The following ERH variants were observed in gnomAD, a reference collection of about 807,000 sequenced individuals.
ERH encodes the protein ERH mRNA splicing and mitosis factor, also known as enhancer of rudimentary homolog.
ERH carries 1 observed loss-of-function variant against 16.8 expected under a neutral mutation model. The observed-to-expected ratio is 0.06, with a 90% CI of 0.02 to 0.28. The LOEUF (loss-of-function observed/expected upper bound fraction) is 0.28, where lower values mean the gene tolerates loss of function less well. ERH is among the 10% of genes least tolerant of loss of function. The pLI, the probability that ERH is intolerant of heterozygous loss-of-function variation, is 1.00. For missense variants in ERH, 42 were observed against 127.5 expected (o/e 0.33, Z 3.23); for synonymous variants, 43 against 43.6 (o/e 0.99, Z 0.05).
At chr14:69,388,299 C>T (rs927580036) in intron 2 of ERH, among the ~76,000 whole-genome samples, 3 of 151,968 alleles carry the variant, frequency 2.0e-5, no homozygotes, top group Non-Finnish European at 4.4e-5. Context: ...AGCAAGCCCA[C>T]ATTACTAATT....
intron 1 of ERH, among the ~76,000 whole-genome samples, chr14:69,396,597 G>A (rs1034421078): frequency 6.6e-6 from 1 of 152,200 alleles, no homozygotes; most frequent in Non-Finnish European, 1.5e-5. Context: ...AATTGGAACA[G>A]AAATAGCTGA....
At chr14:69,394,700 G>T in intron 2 of ERH, 125 bp downstream of exon 2, 4 of 554,836 alleles carry the variant, frequency 7.2e-6, no homozygotes, top group South Asian at 2.5e-5. Context: ...AATAAATTTG[G>T]AGGGTTGGAA....
intron 3 of ERH, among the ~76,000 whole-genome samples, chr14:69,385,651 G>GAAA (rs375731964): frequency 6.3e-5 from 8 of 126,452 alleles, no homozygotes; most frequent in South Asian, 2.5e-4. Flanking sequence ...TAAAAAAAAG[G>GAAA]AAAAAAAAAA....
Position 69,380,348 on chromosome 14 carries a change from G to T in ERH, c.*190C>A. On this transcript the variant is annotated 3_prime_UTR_variant, in exon 4 of 4. Coordinates refer to ENST00000557016, the MANE Select transcript of ERH (RefSeq NM_004450.3). ...TTAAGTAAAAAAAAAAAAAGAAAGA[G>T]AAAGAAAAAGAGGAGGTAACGGGGG... The T allele has an allele frequency of 2.4e-6, 1 of 412,582 alleles. No individual in the cohort carries two copies. Among genetic ancestry groups the T allele is most frequent in the Non-Finnish European group, 4.3e-6 (1 of 232,932 alleles). 25.6% of individuals were successfully genotyped at this position (412,582 alleles called of 1,614,324 possible).
chr14:69,393,300 A>T lies in ERH; in HGVS notation c.91+1525T>A, dbSNP rs140207788. On this transcript the variant is annotated intron_variant, in intron 2 of 3. Coordinates refer to ENST00000557016, the MANE Select transcript of ERH (RefSeq NM_004450.3). ...CACTGCACTCCAGCCTGGGCGACAG[A>T]GTGAGACTCTGTCTCAAAAAACAAA... Among the ~76,000 whole-genome samples the T allele has an allele frequency of 3.1e-3, 477 of 152,324 alleles. 4 individuals are homozygous for T. The highest frequency in any genetic ancestry group is 0.011 in the African/African-American group (463 of 41,566).
Position 69,383,432 on chromosome 14 carries a change from G to A in ERH, c.213-2792C>T, listed in dbSNP as rs115930270. Among the ~76,000 whole-genome samples, 639 of 152,344 alleles carry A rather than the reference G, an allele frequency of 4.2e-3. 6 individuals carry two copies. The highest frequency in any genetic ancestry group is 0.015 in the African/African-American group (615 of 41,582). Reference sequence around the variant, plus strand: ...AAAACGGACCCAGTCTCTGGTCTGAGGAGTAACGGCCCAAATCACAGGATG... The same window carrying A: ...AAAACGGACCCAGTCTCTGGTCTGAAGAGTAACGGCCCAAATCACAGGATG... On this transcript the variant is annotated intron_variant, in intron 3 of 3. Transcript: ENST00000557016.
rs757505209 is a variant in ERH at position 69,380,632 on chromosome 14, G to C, written c.221C>G (p.Ala74Gly). 1 of 1,601,464 alleles carries C rather than the reference G, an allele frequency of 6.2e-7. No individual in the cohort carries two copies. Among genetic ancestry groups the C allele is most frequent in the South Asian group, 1.1e-5 (1 of 90,298 alleles). The change falls in exon 4 of 4, where the codon GCT becomes GGT. Residue 74 changes from alanine to glycine, a missense_variant. Coordinates refer to ENST00000557016, the MANE Select transcript of ERH (RefSeq NM_004450.3). ...ATAAGGCTGGTATGTCTGGGTATCA[G>C]CTCGGTAACTGAGGAGAGAAAGGGA... Reference protein sequence around the residue: ...LADLSCLVYRADTQTYQPYNK... With the variant: ...LADLSCLVYRGDTQTYQPYNK...
At chr14:69,392,842 G>C (rs1303937950) in intron 2 of ERH, among the ~76,000 whole-genome samples, 1 of 152,172 alleles carries the variant, frequency 6.6e-6, no homozygotes, top group East Asian at 1.9e-4. Flanking sequence ...CTAGAACCCT[G>C]AAACTGCCCT....
At chr14:69,387,880 TA>T (rs1187815162) in intron 2 of ERH, among the ~76,000 whole-genome samples, 2 of 151,688 alleles carry the variant, frequency 1.3e-5, no homozygotes, top group East Asian at 1.9e-4. Context: ...CTGTCTCTAC[TA>T]AAAAAATACA....
At chr14:69,382,201 G>C (rs2045867179) in intron 3 of ERH, among the ~76,000 whole-genome samples, 1 of 152,162 alleles carries the variant, frequency 6.6e-6, no homozygotes, top group South Asian at 2.1e-4. Context: ...TTCTTCCTCT[G>C]AACAGTAAGG....
chr14:69,384,837 G>GT (rs1325200054), intron 3 of ERH, among the ~76,000 whole-genome samples: 1 of 152,106 alleles, frequency 6.6e-6, no homozygotes, highest in Non-Finnish European at 1.5e-5. Flanking sequence ...CACATTATTG[G>GT]TAATTTCATA....
intron 1 of ERH, chr14:69,398,010 C>G (rs1882404802): frequency 1.6e-6 from 1 of 616,572 alleles, no homozygotes; most frequent in Non-Finnish European, 2.9e-6. Context: ...CGGACCCGAG[C>G]GAGCAGGCGG....
At chr14:69,395,956 A>G (rs1263975981) in intron 1 of ERH, among the ~76,000 whole-genome samples, 1 of 152,216 alleles carries the variant, frequency 6.6e-6, no homozygotes, top group African/African-American at 2.4e-5. Context: ...TAACAAATCA[A>G]TCTCAGTGTT....
intron 2 of ERH, among the ~76,000 whole-genome samples, chr14:69,393,850 T>A (rs932189486): frequency 6.6e-6 from 1 of 151,888 alleles, no homozygotes; most frequent in African/African-American, 2.4e-5. Flanking sequence ...AGTGACCCCA[T>A]CTCTATAAAA....
At chr14:69,386,853 G>T in intron 3 of ERH, 110 bp downstream of exon 3, 1 of 952,722 alleles carries the variant, frequency 1.0e-6, no homozygotes, top group Non-Finnish European at 1.6e-6. Context: ...CTATGCAAAT[G>T]CAAAGATCAG....
In ERH at chr14:69,390,924, T is replaced by C. The variant is rs550914159; in HGVS notation, c.92-3841A>G. 3.3e-5 allele frequency among the ~76,000 whole-genome samples: 5 copies of C among 152,214 alleles called. No individual in the cohort carries two copies. The South Asian group carries it at 1.0e-3, about 32-fold the overall frequency. ...GATGACATTGTATGTCATTAGGGAA[T>C]TGCAAATTAAAACAATAAGATACCT... On this transcript the variant is annotated intron_variant, in intron 2 of 3. Coordinates refer to ENST00000557016, the MANE Select transcript of ERH (RefSeq NM_004450.3).
intron 1 of ERH, chr14:69,397,917 C>G (rs1434104794): frequency 3.7e-6 from 2 of 537,834 alleles, no homozygotes; most frequent in African/African-American, 3.8e-5. Context: ...GACTCTCTAT[C>G]TCAAAAAACA....
rs190610854 is a variant in ERH, at chr14:69,395,997, T to G, written c.4-1085A>C. 2.0e-3 allele frequency among the ~76,000 whole-genome samples: 308 copies of G among 152,330 alleles called. 1 individual carries two copies. The highest frequency in any genetic ancestry group is 7.1e-3 in the African/African-American group (297 of 41,580). On this transcript the variant is annotated intron_variant, in intron 1 of 3. Transcript: ENST00000557016. ...AACGTGGGCTCTATTACCTTTTGGGTTGACTGATTCTTTGTTACAAATGTC... is the reference window on the plus strand; with the variant it reads ...AACGTGGGCTCTATTACCTTTTGGGGTGACTGATTCTTTGTTACAAATGTC...
intron 3 of ERH, among the ~76,000 whole-genome samples, chr14:69,385,063 A>T (rs34859711): frequency 0.1 from 15,880 of 152,076 alleles, 972 homozygotes; most frequent in East Asian, 0.18. Context: ...CAATGAACTG[A>T]TCTACCTCTG....
Sources: gnomAD v4.1 joint callset for allele counts (sites outside exome capture counted in the v4.1 genomes callset) on GRCh38, gnomAD v4.1.1 for gene constraint, MANE v1.5 for transcripts, NCBI Gene and HGNC (gene_info 2026-07-23, HGNC 2026-07-21) for gene names.